DSCAML1: variants seen among roughly 807,000 people sequenced by gnomAD.
DSCAML1 encodes the protein DS cell adhesion molecule like 1.
In DSCAML1, 38 loss-of-function variants were observed where a neutral mutation model predicts 200.5. That is an observed-to-expected ratio of 0.19 (90% CI 0.15 to 0.25). The LOEUF (loss-of-function observed/expected upper bound fraction) is 0.25. DSCAML1 is among the 10% of genes least tolerant of loss of function. The pLI is 1.00. For missense variants in DSCAML1, 2,223 were observed against 2,858.8 expected, an observed-to-expected ratio of 0.78 and a Z score of 5.07; for synonymous variants, 1,215 against 1,165.0, an observed-to-expected ratio of 1.04 and a Z score of -0.87.
At chr11:117,559,783 T>C (rs1177171058) in intron 3 of DSCAML1, among the ~76,000 whole-genome samples, 1 of 151,818 alleles carries the variant, frequency 6.6e-6, no homozygotes, top group African/African-American at 2.4e-5. Flanking sequence ...GAGGGGAGAA[T>C]GTCTACAGAG....
intron 3 of DSCAML1, among the ~76,000 whole-genome samples, chr11:117,754,169 C>T (rs914426709): frequency 6.6e-6 from 1 of 152,168 alleles, no homozygotes; most frequent in African/African-American, 2.4e-5. Flanking sequence ...TTCAAAGACA[C>T]CCTGCCCCTG....
chr11:117,587,809 G>A (rs966448636), intron 3 of DSCAML1, among the ~76,000 whole-genome samples: 1 of 152,118 alleles, frequency 6.6e-6, no homozygotes, highest in Non-Finnish European at 1.5e-5. Flanking sequence ...TCCACCCTGA[G>A]AGAACATCAG....
chr11:117,659,180 C>T (rs74498740), intron 3 of DSCAML1, among the ~76,000 whole-genome samples: 3,710 of 152,270 alleles, frequency 0.024, 79 homozygotes, highest in Non-Finnish European at 0.039. Flanking sequence ...TTTTGGAAGA[C>T]GGTGTTTCTT....
At chr11:117,742,263 G>A (rs752223773) in intron 3 of DSCAML1, among the ~76,000 whole-genome samples, 1 of 152,180 alleles carries the variant, frequency 6.6e-6, no homozygotes, top group Non-Finnish European at 1.5e-5. Flanking sequence ...CAAGACTGTA[G>A]ACGGTGCTAC....
chr11:117,481,935 C>G, intron 12 of DSCAML1, 28 bp downstream of exon 12: 3 of 1,612,658 alleles, frequency 1.9e-6, no homozygotes. Context: ...GAGTTGGGGT[C>G]CCCCAGCACT....
chr11:117,445,119 T>C (rs2048150084), intron 20 of DSCAML1, among the ~76,000 whole-genome samples: 1 of 152,184 alleles, frequency 6.6e-6, no homozygotes, highest in Admixed American at 6.5e-5. Flanking sequence ...CCTCCAGGCA[T>C]GTATGGGCAC....
At position 117,479,474 on chromosome 11, in the gene DSCAML1, C is replaced by G. The variant is rs1159240398; in HGVS notation, c.2785+969G>C. 4.6e-5 allele frequency among the ~76,000 whole-genome samples: 7 copies of G among 152,262 alleles called. No individual in the cohort carries two copies. In the South Asian group the frequency reaches 6.2e-4, roughly 14 times the overall value. On this transcript the variant is annotated intron_variant, in intron 14 of 32. Coordinates refer to ENST00000651296, the MANE Select transcript of DSCAML1 (RefSeq NM_020693.4). ...TCTTCTCACCCTGCTGTGAAGCCACCCAGGTGCACTCTGTTCCCCTCTGAG... is the reference window on the plus strand; with the variant it reads ...TCTTCTCACCCTGCTGTGAAGCCACGCAGGTGCACTCTGTTCCCCTCTGAG...
chr11:117,498,516 G>C lies in DSCAML1; in HGVS notation c.2359+5329C>G, dbSNP rs548775150. On this transcript the variant is annotated intron_variant, in intron 11 of 32. Transcript: ENST00000651296. This position sits in a 1 kb window ranked among gnomAD's most constrained non-coding sequence, Gnocchi z 4.0. Reference sequence around the variant, plus strand: ...TCCTTGCCCTGTGGAAGGGGTGGGGGCCCCAGTCCCCCAGGTCTCAGGGAG... The same window carrying C: ...TCCTTGCCCTGTGGAAGGGGTGGGGCCCCCAGTCCCCCAGGTCTCAGGGAG... Among the ~76,000 whole-genome samples the C allele has an allele frequency of 6.6e-6, 1 of 152,180 alleles. No homozygotes were observed. Among genetic ancestry groups the C allele is most frequent in the Non-Finnish European group, 1.5e-5 (1 of 68,032 alleles).
intron 14 of DSCAML1, among the ~76,000 whole-genome samples, chr11:117,473,159 A>G (rs939757384): frequency 6.6e-6 from 1 of 152,122 alleles, no homozygotes; most frequent in South Asian, 2.1e-4. Context: ...AAAGGAGGCT[A>G]GCACATTCTA....
At chr11:117,741,140 C>T (rs1249402984) in intron 3 of DSCAML1, among the ~76,000 whole-genome samples, 2 of 152,278 alleles carry the variant, frequency 1.3e-5, no homozygotes, top group African/African-American at 4.8e-5. Flanking sequence ...ATTTGTGCCT[C>T]TCCTTCCATA....
At position 117,458,829 on chromosome 11, in the gene DSCAML1, C is replaced by G; in HGVS notation, c.3493G>C (p.Val1165Leu). ...GCCTGGGTGTAGGCCAGCACCTGGA[C>G]GCTGTAGTTGGTGAACTTCTCCATG... ...RGMEKFTNYSVQVLAYTQAGD... is the reference protein window; with the variant it reads ...RGMEKFTNYSLQVLAYTQAGD... Residue 1165 changes from valine to leucine, a missense_variant, in exon 19 of 33, where the codon GTC (valine) becomes CTC (leucine). By Grantham distance (32) the Val-to-Leu change is conservative (BLOSUM62 1). Around this residue, in one of 7 missense-constraint regions of DSCAML1, gnomAD observed 438 missense variants for 629.7 expected, o/e 0.70. Transcript: ENST00000651296. 1 of 1,614,068 alleles carries G rather than the reference C, an allele frequency of 6.2e-7. No individual in the cohort carries two copies. Among genetic ancestry groups the G allele is most frequent in the South Asian group, 1.1e-5 (1 of 91,084 alleles).
At chr11:117,662,508 T>C (rs2052876618) in intron 3 of DSCAML1, among the ~76,000 whole-genome samples, 1 of 152,220 alleles carries the variant, frequency 6.6e-6, no homozygotes, top group African/African-American at 2.4e-5. Flanking sequence ...TCGTCGAGAA[T>C]GCCAGAGAAA....
At chr11:117,497,235 C>A (rs532474594) in intron 11 of DSCAML1, among the ~76,000 whole-genome samples, 1 of 152,280 alleles carries the variant, frequency 6.6e-6, no homozygotes, top group South Asian at 2.1e-4. Context: ...AAGGACTATG[C>A]CCAGTTTACC....
intron 3 of DSCAML1, among the ~76,000 whole-genome samples, chr11:117,644,318 G>A (rs894783094): frequency 2.0e-5 from 3 of 152,246 alleles, no homozygotes; most frequent in Non-Finnish European, 4.4e-5. Flanking sequence ...TTTAAAGGCG[G>A]GAGTGCAAAG....
At chr11:117,778,111 G>C (rs1458185842) in intron 2 of DSCAML1, among the ~76,000 whole-genome samples, 1 of 152,222 alleles carries the variant, frequency 6.6e-6, no homozygotes, top group Non-Finnish European at 1.5e-5. Flanking sequence ...TGTGTTTCCA[G>C]TCAGCCTGGC....
At position 117,430,860 on chromosome 11, in the gene DSCAML1, C is replaced by T. The variant is rs1384217003; in HGVS notation, c.5548G>A (p.Glu1850Lys). The T allele has an allele frequency of 6.2e-7, 1 of 1,614,168 alleles. No homozygotes were observed. ...ATGGATGTCATGCTGTCGGCGTTCT[C>T]GTTGGTGCCTGTGGTCATCTGGTCA... is the stretch of plus-strand genomic sequence containing the variant. ...SSDQMTTGTNENADSMTSMST... is the reference protein window; with the variant it reads ...SSDQMTTGTNKNADSMTSMST... The change falls in exon 32 of 33, where the codon GAG (glutamate) becomes AAG (lysine). Residue 1850 changes from glutamate (E) to lysine (K), a missense_variant. By Grantham distance (56) the Glu-to-Lys change is moderately conservative. Transcript: ENST00000651296.
rs1326268893 is a variant in DSCAML1 at position 117,439,398 on chromosome 11, C to T, written c.4012G>A (p.Gly1338Arg). The T allele has an allele frequency of 6.2e-6, 10 of 1,613,450 alleles. No homozygotes were observed. The highest frequency in any genetic ancestry group is 1.7e-5 in the Admixed American group (1 of 59,982). Reference sequence around the variant, plus strand: ...CCATTGGTGTGGATGAGCCGGTGCCCATCCATGGACACTGGAATGGCCGAG... The same window carrying T: ...CCATTGGTGTGGATGAGCCGGTGCCTATCCATGGACACTGGAATGGCCGAG... Reference protein sequence around the residue: ...EDSAIPVSMDGHRLIHTNGTL... With the variant: ...EDSAIPVSMDRHRLIHTNGTL... The change falls in exon 23 of 33, where the codon GGG becomes AGG. Residue 1338 changes from glycine (G) to arginine (R), a missense_variant. Physicochemically the swap from Gly to Arg is moderately radical, Grantham distance 125 (BLOSUM62 -2). Transcript: ENST00000651296.
chr11:117,532,476 G>C lies in DSCAML1; in HGVS notation c.558C>G (p.Asp186Glu). 1 of 1,614,140 alleles carries C rather than the reference G, an allele frequency of 6.2e-7. No individual in the cohort carries two copies. The highest frequency in any genetic ancestry group is 8.5e-7 in the Non-Finnish European group (1 of 1,180,006). The change falls in exon 4 of 33, where the codon GAC (aspartate) becomes GAG (glutamate). Residue 186 changes from aspartate to glutamate, a missense_variant. Asp to Glu is a conservative substitution (Grantham distance 45). Coordinates refer to ENST00000651296, the MANE Select transcript of DSCAML1 (RefSeq NM_020693.4). Reference protein sequence around the residue: ...ITYHGGLYISDVQKEDALSTY... With the variant: ...ITYHGGLYISEVQKEDALSTY... The stretch of plus-strand genomic sequence containing the variant: ...TGGAGAGGGCGTCCTCCTTCTGTAC[G>C]TCAGAGATGTACAGCCCGCCGTGGT...
chr11:117,791,438 T>C (rs1477598451), intron 1 of DSCAML1, among the ~76,000 whole-genome samples: 1 of 152,220 alleles, frequency 6.6e-6, no homozygotes, highest in African/African-American at 2.4e-5. Flanking sequence ...AACTCCAGAA[T>C]AGTTCTTACT....
Sources: gnomAD v4.1 joint callset for allele counts (sites outside exome capture counted in the v4.1 genomes callset) on GRCh38, gnomAD v4.1.1 for gene constraint, gnomAD v4.1.1 regional missense constraint, Gnocchi (gnomAD v3.1) non-coding constraint, MANE v1.5 for transcripts, NCBI Gene and HGNC (gene_info 2026-07-23, HGNC 2026-07-21) for gene names.